The following LRRK2 variants were observed in gnomAD, a reference collection of about 807,000 sequenced individuals.
LRRK2 encodes leucine-rich repeat serine/threonine-protein kinase 2.
Under a neutral mutation model 302.6 loss-of-function variants are expected in LRRK2, and 203 were observed. The observed-to-expected ratio is 0.67, with a 90% CI of 0.60 to 0.75. The LOEUF (loss-of-function observed/expected upper bound fraction) is 0.75, where lower values mean the gene tolerates loss of function less well. LRRK2 is among the 30% of genes least tolerant of loss of function. The pLI is 0.00. For synonymous variants in LRRK2, 1,066 were observed against 1,031.9 expected (o/e 1.03, Z -0.63); for missense variants, 2,830 against 2,951.0 (o/e 0.96, Z 0.95).
intron 1 of LRRK2, 113 bp downstream of exon 1, chr12:40,225,395 G>A (rs1221727057): frequency 7.2e-7 from 1 of 1,383,064 alleles, no homozygotes; most frequent in Non-Finnish European, 1.0e-6. Context: ...GACTCTTAAG[G>A]AGCCGCAAAC....
chr12:40,319,443 G>A (rs182060075), intron 33 of LRRK2, among the ~76,000 whole-genome samples: 150 of 152,144 alleles, frequency 9.9e-4, no homozygotes, highest in Admixed American at 5.8e-3. Flanking sequence ...TAAAAAAGCC[G>A]ATTCTCAGGC....
chr12:40,234,069 A>G (rs2252434), intron 3 of LRRK2, among the ~76,000 whole-genome samples: 148,000 of 152,258 alleles, frequency 0.97, 72,064 homozygotes, highest in Middle Eastern at 1. Context: ...CTTCCGTGGT[A>G]ATAAAGTCAG....
rs566756492 is a variant in LRRK2 at position 40,315,384 on chromosome 12, T to A, written c.4827+84T>A. On this transcript the variant is annotated intron_variant, in intron 33 of 50. Coordinates refer to ENST00000298910, the MANE Select transcript of LRRK2 (RefSeq NM_198578.4). ...GCCCAGAGCATTGAGCATTTTAGAATTTGGGTTTAGTTAAGGCAGAAACTT... is the reference window on the plus strand; with the variant it reads ...GCCCAGAGCATTGAGCATTTTAGAAATTGGGTTTAGTTAAGGCAGAAACTT... The A allele has an allele frequency of 5.5e-5, 63 of 1,154,232 alleles. No homozygotes were observed. In the East Asian group the frequency reaches 1.4e-3, roughly 26 times the overall value. The allele number at this position is 1,154,232 out of a possible 1,614,324, so 71.5% of individuals were successfully genotyped here.
chr12:40,346,390 G>A (rs143263065), intron 41 of LRRK2, among the ~76,000 whole-genome samples: 12 of 152,112 alleles, frequency 7.9e-5, no homozygotes, highest in South Asian at 4.1e-4. Context: ...TATTAGGAAC[G>A]AGAAAAATGG....
chr12:40,346,419 A>T (rs1159434423), intron 41 of LRRK2, among the ~76,000 whole-genome samples: 1 of 152,174 alleles, frequency 6.6e-6, no homozygotes, highest in Non-Finnish European at 1.5e-5. Flanking sequence ...TTCCTAGTAC[A>T]CTTTATTTCT....
intron 39 of LRRK2, among the ~76,000 whole-genome samples, chr12:40,333,489 T>C (rs925091193): frequency 6.6e-6 from 1 of 152,072 alleles, no homozygotes. Flanking sequence ...ATATACAGTA[T>C]AAAGCGAATC....
At chr12:40,355,705 G>C (rs902734418) in intron 45 of LRRK2, among the ~76,000 whole-genome samples, 13 of 151,850 alleles carry the variant, frequency 8.6e-5, no homozygotes, top group African/African-American at 3.1e-4. Flanking sequence ...ACCAAACCTG[G>C]CTAATTTTTT....
intron 4 of LRRK2, among the ~76,000 whole-genome samples, 185 bp from the exon 5 acceptor site, chr12:40,237,784 C>CT (rs1309377778): frequency 6.6e-6 from 1 of 151,928 alleles, no homozygotes; most frequent in Non-Finnish European, 1.5e-5. Flanking sequence ...AGATCTAGAG[C>CT]TTGATAAGTC....
intron 40 of LRRK2, among the ~76,000 whole-genome samples, chr12:40,337,386 T>C (rs1197123576): frequency 3.3e-5 from 5 of 152,230 alleles, no homozygotes; most frequent in Non-Finnish European, 7.3e-5. Flanking sequence ...ATAAAACTTA[T>C]GAAAATACAG....
chr12:40,361,872 G>A (rs929503225), intron 47 of LRRK2, among the ~76,000 whole-genome samples: 1 of 151,956 alleles, frequency 6.6e-6, no homozygotes, highest in Non-Finnish European at 1.5e-5. Context: ...AGTACACACC[G>A]ACTGAGAGGC....
intron 21 of LRRK2, 136 bp from the exon 22 acceptor site, chr12:40,294,709 T>TA: frequency 1.9e-6 from 1 of 533,230 alleles, no homozygotes; most frequent in South Asian, 2.2e-5. Flanking sequence ...ATTGGGTTCT[T>TA]AGTTTTTACT....
At chr12:40,278,354 A>G in intron 18 of LRRK2, 93 bp downstream of exon 18, 1 of 1,445,444 alleles carries the variant, frequency 6.9e-7, no homozygotes, top group Non-Finnish European at 9.7e-7. Flanking sequence ...ATATCATATT[A>G]TTCTTCACTA....
rs759105637 is a variant in LRRK2, at chr12:40,354,371, T to G, written c.6649T>G (p.Ser2217Ala). 1.9e-6 allele frequency: 3 copies of G among 1,614,170 alleles called. No homozygotes were observed. The highest frequency in any genetic ancestry group is 1.1e-5 in the South Asian group (1 of 91,088). ...LPVEKESWIV[S>A]GTQSGTLLVI... ...TGTTGAAAAGGAAAGCTGGATTGTG[T>G]CTGGGACACAGTCTGGTACTCTCCT... Residue 2217 changes from serine to alanine, a missense_variant, in exon 45 of 51, where the codon TCT becomes GCT. Ser to Ala is a moderately conservative substitution (Grantham distance 99). Coordinates refer to ENST00000298910, the MANE Select transcript of LRRK2 (RefSeq NM_198578.4).
intron 20 of LRRK2, among the ~76,000 whole-genome samples, chr12:40,292,761 T>TA (rs1944208437): frequency 1.3e-5 from 2 of 151,960 alleles, no homozygotes; most frequent in African/African-American, 2.4e-5. Flanking sequence ...TAGGGGAATT[T>TA]AAAATCATAA....
chr12:40,243,480 C>G, intron 6 of LRRK2, 70 bp from the exon 7 acceptor site: 2 of 1,542,622 alleles, frequency 1.3e-6, no homozygotes, highest in Non-Finnish European at 1.8e-6. Flanking sequence ...CTATATAAGA[C>G]GTCTTTGTAT....
intron 7 of LRRK2, among the ~76,000 whole-genome samples, chr12:40,244,607 A>C (rs1317093998): frequency 6.6e-6 from 1 of 151,916 alleles, no homozygotes; most frequent in Non-Finnish European, 1.5e-5. Context: ...GTCATTTATC[A>C]ATATTGTTCA....
intron 43 of LRRK2, among the ~76,000 whole-genome samples, chr12:40,350,683 A>T (rs1378780237): frequency 6.6e-6 from 1 of 151,950 alleles, no homozygotes; most frequent in African/African-American, 2.4e-5. Flanking sequence ...ATATTACATA[A>T]TTTTTCTTCT....
chr12:40,226,505 G>A (rs927906006), intron 2 of LRRK2, among the ~76,000 whole-genome samples: 56 of 152,228 alleles, frequency 3.7e-4, no homozygotes, highest in South Asian at 4.1e-4. Flanking sequence ...ACAGACATGA[G>A]GCATCTCAAT....
chr12:40,352,326 C>T (rs17520515), intron 44 of LRRK2, among the ~76,000 whole-genome samples: 1,777 of 152,232 alleles, frequency 0.012, 37 homozygotes, highest in African/African-American at 0.041. Context: ...TAAAGGAGAT[C>T]TGGACATGGC....
Sources: allele counts gnomAD v4.1 joint callset (sites outside exome capture counted in the v4.1 genomes callset), GRCh38; gene constraint gnomAD v4.1.1; transcripts MANE v1.5; gene names NCBI Gene and HGNC (gene_info 2026-07-23, HGNC 2026-07-21).